Variants in USP34 observed in about 807,000 individuals in gnomAD.
USP34 encodes the protein ubiquitin specific peptidase 34.
A neutral mutation model predicts 460.3 loss-of-function variants in USP34; 70 were observed. That is an observed-to-expected ratio of 0.15 (90% CI 0.13 to 0.19). USP34 has a LOEUF of 0.19. Among genes scored for constraint, USP34 ranks in the 10% least tolerant of loss-of-function variants. The pLI is 1.00. For missense variants in USP34, 3,985 were observed against 4,236.2 expected (o/e 0.94, Z 1.65); for synonymous variants, 1,647 against 1,405.3 (o/e 1.17, Z -3.85).
At chr2:61,228,136 T>A (rs1687783501) in intron 61 of USP34, among the ~76,000 whole-genome samples, 1 of 152,210 alleles carries the variant, frequency 6.6e-6, no homozygotes, top group South Asian at 2.1e-4. Flanking sequence ...AATTGTCTCA[T>A]CTGTTAAATG....
Position 61,206,194 on chromosome 2 carries a change from A to G in USP34, c.9047-70T>C, listed in dbSNP as rs1687113708. Reference sequence around the variant, plus strand: ...CTTCCTCACAAATGTTTTCTACTGTAAACTACAGAATGCTAATGCTAGAAA... The same window carrying G: ...CTTCCTCACAAATGTTTTCTACTGTGAACTACAGAATGCTAATGCTAGAAA... On this transcript the variant is annotated intron_variant, in intron 71 of 79. Transcript: ENST00000398571. 1.1e-5 allele frequency: 14 copies of G among 1,280,494 alleles called. No homozygotes were observed. In the South Asian group the frequency reaches 1.2e-4, roughly 11 times the overall value. 79.3% of individuals were successfully genotyped at this position (1,280,494 alleles called of 1,614,324 possible). A position where few individuals can be genotyped will look rare whatever the true frequency, so the allele number is the denominator to read the frequency against.
chr2:61,439,823 CAGCTGGGTGGAG>C (rs1229483855), intron 1 of USP34, among the ~76,000 whole-genome samples: 2 of 152,190 alleles, frequency 1.3e-5, no homozygotes, highest in African/African-American at 4.8e-5. Context: ...GGGTCACACA[CAGCTGGGTGGAG>C]ACCTCATGAT....
intron 18 of USP34, among the ~76,000 whole-genome samples, chr2:61,339,087 G>A (rs1439064094): frequency 6.6e-6 from 1 of 152,136 alleles, no homozygotes; most frequent in Admixed American, 6.6e-5. Context: ...GAATCAAAAA[G>A]ATAGTATTGT....
chr2:61,231,409 A>G (rs1309055857), intron 58 of USP34, among the ~76,000 whole-genome samples: 1 of 152,128 alleles, frequency 6.6e-6, no homozygotes, highest in Non-Finnish European at 1.5e-5. Context: ...GGTAAATTTT[A>G]TGGTATAAGA....
intron 5 of USP34, among the ~76,000 whole-genome samples, chr2:61,387,793 T>TA (rs994916574): frequency 4.0e-5 from 6 of 149,176 alleles, no homozygotes; most frequent in Non-Finnish European, 4.4e-5. Flanking sequence ...TACACACATG[T>TA]AAAAATATAT....
At chr2:61,225,978 T>C (rs1271540184) in intron 62 of USP34, among the ~76,000 whole-genome samples, 1 of 152,168 alleles carries the variant, frequency 6.6e-6, no homozygotes, top group Non-Finnish European at 1.5e-5. Context: ...TTTTTACAGA[T>C]GGATCTTGCT....
At chr2:61,225,506 T>C (rs990738247) in intron 62 of USP34, among the ~76,000 whole-genome samples, 4 of 152,112 alleles carry the variant, frequency 2.6e-5, no homozygotes, top group African/African-American at 9.7e-5. Context: ...ATTTATATGA[T>C]ACCAAAGTTA....
At chr2:61,229,458 A>T (rs1432908925) in intron 59 of USP34, 90 bp downstream of exon 59, 23 of 305,618 alleles carry the variant, frequency 7.5e-5, no homozygotes, top group Non-Finnish European at 1.1e-4. Flanking sequence ...CCTATCTCTT[A>T]AAAAAAAAAA....
In USP34 at chr2:61,379,690, C is replaced by T. The variant is rs139723341; in HGVS notation, c.1014+479G>A. Among the ~76,000 whole-genome samples the T allele has an allele frequency of 2.7e-3, 404 of 152,310 alleles. 1 individual carries two copies. The highest frequency in any genetic ancestry group is 4.6e-3 in the Non-Finnish European group (311 of 68,020). ...GACCCAAGAATACCAGGCCTTCTTCCAACCCCCTCACCAAGAGAAGCCAAG... is the reference window on the plus strand; with the variant it reads ...GACCCAAGAATACCAGGCCTTCTTCTAACCCCCTCACCAAGAGAAGCCAAG... On this transcript the variant is annotated intron_variant, in intron 7 of 79. Coordinates refer to ENST00000398571, the MANE Select transcript of USP34 (RefSeq NM_014709.4).
rs75518839 is a variant in USP34, at chr2:61,211,626, A to C, written c.8840+146T>G. Reference sequence around the variant, plus strand: ...CCAAAGCCAGACCAAAAACTGTTTAAAAGTAGTTCATGAACCTTCAAAATG... The same window carrying C: ...CCAAAGCCAGACCAAAAACTGTTTACAAGTAGTTCATGAACCTTCAAAATG... On this transcript the variant is annotated intron_variant, in intron 69 of 79. Coordinates refer to ENST00000398571, the MANE Select transcript of USP34 (RefSeq NM_014709.4). The C allele has an allele frequency of 7.8e-4, 689 of 885,644 alleles. 2 individuals are homozygous for C. In the African/African-American group the frequency reaches 0.011, roughly 15 times the overall value. 54.9% of individuals were successfully genotyped at this position (885,644 alleles called of 1,614,324 possible). A position where few individuals can be genotyped will look rare whatever the true frequency, so the allele number is the denominator to read the frequency against.
At chr2:61,405,656 G>T in intron 3 of USP34, 52 bp downstream of exon 3, 2 of 1,440,180 alleles carry the variant, frequency 1.4e-6, no homozygotes, top group Non-Finnish European at 1.9e-6. Flanking sequence ...GAAACAGACT[G>T]CGAAGTTAAG....
intron 14 of USP34, 34 bp downstream of exon 14, chr2:61,348,722 A>C (rs530696116): frequency 6.3e-7 from 1 of 1,595,668 alleles, no homozygotes; most frequent in South Asian, 1.1e-5. Flanking sequence ...AAAGCCAAAA[A>C]TGCCTATAAA....
chr2:61,292,037 T>C (rs373202973), intron 33 of USP34, among the ~76,000 whole-genome samples: 46 of 152,268 alleles, frequency 3.0e-4, no homozygotes, highest in African/African-American at 9.4e-4. Context: ...AAGGAGACTA[T>C]AATGATGGTT....
At position 61,340,792 on chromosome 2, in the gene USP34, T is replaced by C. The variant is rs138012411; in HGVS notation, c.2501-1111A>G. On this transcript the variant is annotated intron_variant, in intron 16 of 79. Transcript: ENST00000398571. ...ACTATTGAGTTATGAAATTATTTTA[T>C]ATTCCAAATACAATCCATTTCATAG... is the stretch of plus-strand genomic sequence containing the variant. Among the ~76,000 whole-genome samples, 98 of 152,242 alleles carry C rather than the reference T, an allele frequency of 6.4e-4. 1 individual carries two copies. The East Asian group carries it at 0.017, about 26-fold the overall frequency.
intron 51 of USP34, among the ~76,000 whole-genome samples, chr2:61,243,308 G>T (rs186614750): frequency 8.6e-5 from 13 of 151,922 alleles, no homozygotes; most frequent in Non-Finnish European, 1.3e-4. Context: ...CACCACGCCC[G>T]GCTAATTTTT....
chr2:61,266,174 A>G lies in USP34; in HGVS notation c.5434-7T>C, dbSNP rs921128287. On this transcript the variant is annotated splice_polypyrimidine_tract_variant and splice_region_variant and intron_variant, in intron 41 of 79. Transcript: ENST00000398571. ...AGATATCTCTCAAAAATTCCTGGGG[A>G]GTAAAAGGAAACATGTTATCTAAAC... 5 of 1,602,878 alleles carry G rather than the reference A, an allele frequency of 3.1e-6. No individual in the cohort carries two copies. In the African/African-American group the frequency reaches 6.7e-5, roughly 21 times the overall value.
Position 61,187,837 on chromosome 2 carries a change from C to A in USP34, c.*265G>T. On this transcript the variant is annotated 3_prime_UTR_variant, in exon 80 of 80. Transcript: ENST00000398571. ...GGCAACCCTGTTCTTCCCAGACAGC[C>A]ATATTAAATGAAAGCCACTAAAGTG... The A allele has an allele frequency of 1.2e-5, 14 of 1,178,558 alleles. No individual in the cohort carries two copies. Among genetic ancestry groups the A allele is most frequent in the Non-Finnish European group, 1.5e-5 (14 of 914,882 alleles). 73.0% of individuals were successfully genotyped at this position (1,178,558 alleles called of 1,614,324 possible).
chr2:61,297,050 G>A lies in USP34; in HGVS notation c.4129-125C>T. On this transcript the variant is annotated intron_variant, in intron 29 of 79. Transcript: ENST00000398571. ...TTTTTAGCCTCACTTTTTGAAAAGT[G>A]AGAAATGAAACATTTGTTATATGAT... is the stretch of plus-strand genomic sequence containing the variant. The A allele has an allele frequency of 2.4e-6, 3 of 1,269,140 alleles. 1 individual carries two copies. The highest frequency in any genetic ancestry group is 5.7e-4 in the Middle Eastern group (2 of 3,494). 78.6% of individuals were successfully genotyped at this position (1,269,140 alleles called of 1,614,324 possible). A position where few individuals can be genotyped will look rare whatever the true frequency, so the allele number is the denominator to read the frequency against.
chr2:61,409,476 G>A (rs1693976858), intron 2 of USP34, among the ~76,000 whole-genome samples: 1 of 152,208 alleles, frequency 6.6e-6, no homozygotes. Context: ...CACTTTGGGA[G>A]GCCAAGGCAG....
Sources: gnomAD v4.1 joint callset for allele counts (sites outside exome capture counted in the v4.1 genomes callset) on GRCh38, gnomAD v4.1.1 for gene constraint, MANE v1.5 for transcripts, NCBI Gene and HGNC (gene_info 2026-07-23, HGNC 2026-07-21) for gene names.